The following ABCA8 variants were observed in gnomAD, a reference collection of about 807,000 sequenced individuals.
ABCA8 encodes ATP binding cassette subfamily A member 8, also known as ABC-type organic anion transporter ABCA8.
ABCA8 carries 177 observed loss-of-function variants against 192.3 expected under a neutral mutation model. The ratio of observed to expected loss-of-function variants is 0.92; its 90% CI spans 0.81 to 1.04. The LOEUF is 1.04. ABCA8 is among the 50% of genes least tolerant of loss of function. The pLI is 0.00. For missense variants in ABCA8, 1,915 were observed against 1,904.8 expected, an observed-to-expected ratio of 1.01 and a Z score of -0.10; for synonymous variants, 642 against 690.2, an observed-to-expected ratio of 0.93 and a Z score of 1.09.
At chr17:68,917,942 A>T in intron 16 of ABCA8, 105 bp downstream of exon 16, 1 of 1,352,676 alleles carries the variant, frequency 7.4e-7, no homozygotes, top group South Asian at 1.6e-5. Flanking sequence ...TTTACCAGAT[A>T]CAGCTAGATT....
chr17:68,897,770 T>G (rs1245561973), intron 21 of ABCA8, among the ~76,000 whole-genome samples: 1 of 152,010 alleles, frequency 6.6e-6, no homozygotes, highest in East Asian at 1.9e-4. Flanking sequence ...GCAGAAAGAA[T>G]TAGCAGACCT....
At chr17:68,930,798 A>G (rs1168677518) in intron 7 of ABCA8, among the ~76,000 whole-genome samples, 1 of 152,194 alleles carries the variant, frequency 6.6e-6, no homozygotes, top group East Asian at 1.9e-4. Flanking sequence ...ATATTGATGT[A>G]TAAGATGTTA....
intron 12 of ABCA8, among the ~76,000 whole-genome samples, chr17:68,921,720 TTA>T (rs1448195767): frequency 1.3e-5 from 2 of 152,226 alleles, no homozygotes; most frequent in East Asian, 3.8e-4. Context: ...TTGAAATTAC[TTA>T]GTTTAAATGA....
intron 10 of ABCA8, among the ~76,000 whole-genome samples, chr17:68,926,773 C>T (rs1459165814): frequency 3.3e-5 from 5 of 152,122 alleles, no homozygotes; most frequent in African/African-American, 1.2e-4. Flanking sequence ...ACAACAAAAA[C>T]AAAAACAAAA....
intron 22 of ABCA8, chr17:68,894,647 A>G: frequency 1.9e-6 from 1 of 523,538 alleles, no homozygotes. Context: ...AAATGTTCGA[A>G]CTTATATATA....
chr17:68,904,113 T>A (rs1430195898), intron 19 of ABCA8, among the ~76,000 whole-genome samples: 1 of 151,522 alleles, frequency 6.6e-6, no homozygotes, highest in African/African-American at 2.4e-5. Flanking sequence ...AAGATAGTGG[T>A]CAAAAGTCCA....
At chr17:68,869,843 C>A (rs1016418180) in intron 37 of ABCA8, 64 bp from the exon 38 acceptor site, 1 of 1,059,182 alleles carries the variant, frequency 9.4e-7, no homozygotes, top group Non-Finnish European at 1.5e-6. Flanking sequence ...TGATGGCAAT[C>A]ATCTCTCTGG....
intron 13 of ABCA8, among the ~76,000 whole-genome samples, chr17:68,920,529 A>G (rs916973415): frequency 1.3e-5 from 2 of 152,212 alleles, no homozygotes; most frequent in Non-Finnish European, 2.9e-5. Flanking sequence ...AAATACTCAG[A>G]TTCCATATGC....
chr17:68,871,104 C>T (rs1316007097), intron 37 of ABCA8, among the ~76,000 whole-genome samples: 1 of 151,968 alleles, frequency 6.6e-6, no homozygotes, highest in Non-Finnish European at 1.5e-5. Context: ...TAATTTATTT[C>T]TTATTATTCT....
rs891203023 is a variant in ABCA8 at position 68,867,905 on chromosome 17, C to T, written c.*180G>A. ...GGCTGTGAGAGGAGGTTGGCTTAGT[C>T]AAATGCCTCTGTCCACACTGACATG... On this transcript the variant is annotated 3_prime_UTR_variant, in exon 40 of 40. Transcript: ENST00000586539. The T allele has an allele frequency of 5.4e-6, 3 of 555,150 alleles. No individual in the cohort carries two copies. The highest frequency in any genetic ancestry group is 3.8e-5 in the African/African-American group (2 of 53,260). 34.4% of individuals were successfully genotyped at this position (555,150 alleles called of 1,614,324 possible). A position where few individuals can be genotyped will look rare whatever the true frequency, so the allele number is the denominator to read the frequency against.
At chr17:68,921,835 A>G (rs1022423693) in intron 12 of ABCA8, among the ~76,000 whole-genome samples, 1 of 152,140 alleles carries the variant, frequency 6.6e-6, no homozygotes, top group Admixed American at 6.5e-5. Context: ...AAGTTATTAC[A>G]TGGCTAAAAC....
At chr17:68,896,069 G>C (rs2066748757) in intron 21 of ABCA8, among the ~76,000 whole-genome samples, 1 of 152,120 alleles carries the variant, frequency 6.6e-6, no homozygotes, top group Non-Finnish European at 1.5e-5. Flanking sequence ...TGAGATTCTT[G>C]TTTCAGGAAC....
At chr17:68,884,417 G>A (rs781405203) in intron 27 of ABCA8, 21 bp from the exon 28 acceptor site, 1 of 1,560,880 alleles carries the variant, frequency 6.4e-7, no homozygotes, top group Admixed American at 2.1e-5. Context: ...AAAGACAATT[G>A]CTAAACAGGG....
rs372864427 is a variant in ABCA8, at chr17:68,894,163, A to T, written c.3036+10T>A. ...GGAGAGTCAGGAATTGTAAGATTATATATATTTACCTCCAAAAATGTACTT... is the reference window on the plus strand; with the variant it reads ...GGAGAGTCAGGAATTGTAAGATTATTTATATTTACCTCCAAAAATGTACTT... On this transcript the variant is annotated intron_variant, in intron 23 of 39. Transcript: ENST00000586539. The T allele has an allele frequency of 6.2e-7, 1 of 1,612,308 alleles. No homozygotes were observed. The highest frequency in any genetic ancestry group is 8.5e-7 in the Non-Finnish European group (1 of 1,179,006).
intron 6 of ABCA8, 59 bp downstream of exon 6, chr17:68,933,109 G>A: frequency 1.7e-6 from 2 of 1,158,864 alleles, no homozygotes; most frequent in Non-Finnish European, 2.5e-6. Context: ...AACTTTTGAT[G>A]CCTCTAATAT....
At chr17:68,895,876 C>T (rs147177196) in intron 21 of ABCA8, among the ~76,000 whole-genome samples, 1 of 152,114 alleles carries the variant, frequency 6.6e-6, no homozygotes, top group African/African-American at 2.4e-5. Context: ...GAATAAGAGG[C>T]CCAAAACACC....
chr17:68,874,776 T>C (rs4148011), intron 37 of ABCA8, among the ~76,000 whole-genome samples: 28,719 of 152,078 alleles, frequency 0.19, 2,838 homozygotes, highest in East Asian at 0.3. Context: ...TGAAAATAAA[T>C]ACATCAGGAT....
intron 24 of ABCA8, among the ~76,000 whole-genome samples, chr17:68,889,661 G>A (rs1303731390): frequency 6.6e-6 from 1 of 152,130 alleles, no homozygotes; most frequent in African/African-American, 2.4e-5. Context: ...AACAACCCCT[G>A]AAGTTTCCCA....
In ABCA8 at chr17:68,937,444, T is replaced by C. The variant is rs4147966; in HGVS notation, c.302-329A>G. Among the ~76,000 whole-genome samples the C allele has an allele frequency of 2.1e-3, 325 of 152,282 alleles. 7 individuals carry two copies. The East Asian group carries it at 0.035, about 17-fold the overall frequency. ...TCCTATAAATTTGAAATGGTAAATA[T>C]AGAGAGATAGATATTTAAATTGCAA... On this transcript the variant is annotated intron_variant, in intron 4 of 39. Coordinates refer to ENST00000586539, the MANE Select transcript of ABCA8 (RefSeq NM_001288985.2).
Sources: allele counts gnomAD v4.1 joint callset (sites outside exome capture counted in the v4.1 genomes callset), GRCh38; gene constraint gnomAD v4.1.1; transcripts MANE v1.5; gene names NCBI Gene and HGNC (gene_info 2026-07-23, HGNC 2026-07-21).